CSMD3: variants seen among roughly 807,000 people sequenced by gnomAD.
CSMD3 encodes CUB and sushi domain-containing protein 3.
A neutral mutation model predicts 435.2 loss-of-function variants in CSMD3; 177 were observed. The observed-to-expected ratio is 0.41, with a 90% CI of 0.36 to 0.46. The LOEUF (loss-of-function observed/expected upper bound fraction) is 0.46, where lower values mean the gene tolerates loss of function less well. CSMD3 is among the 20% of genes least tolerant of loss of function. CSMD3 has a pLI of 0.34. For synonymous variants in CSMD3, 1,656 were observed against 1,520.5 expected (o/e 1.09, Z -2.07); for missense variants, 4,265 against 4,504.6 (o/e 0.95, Z 1.52).
At chr8:112,916,924 A>G (rs2082589495) in intron 10 of CSMD3, among the ~76,000 whole-genome samples, 2 of 152,032 alleles carry the variant, frequency 1.3e-5, no homozygotes, top group African/African-American at 4.8e-5. Context: ...AATTTGTAAC[A>G]TATGTAAAAT....
chr8:113,174,631 T>A (rs975862314), intron 3 of CSMD3, among the ~76,000 whole-genome samples: 7 of 152,112 alleles, frequency 4.6e-5, no homozygotes, highest in East Asian at 3.9e-4. Flanking sequence ...AAGAGTTTTT[T>A]AAATAATATT....
intron 5 of CSMD3, among the ~76,000 whole-genome samples, chr8:113,020,169 C>CA (rs1163891165): frequency 0.014 from 1,191 of 84,314 alleles, 11 homozygotes; most frequent in Middle Eastern, 0.043. Flanking sequence ...GACTCCGTCT[C>CA]AAAAAAAAAA....
At chr8:113,404,848 A>G (rs1195781533) in intron 1 of CSMD3, among the ~76,000 whole-genome samples, 1 of 151,508 alleles carries the variant, frequency 6.6e-6, no homozygotes, top group Admixed American at 6.6e-5. Flanking sequence ...TTCCTACTGC[A>G]GATTAAAAAC....
intron 41 of CSMD3, among the ~76,000 whole-genome samples, chr8:112,342,762 G>A (rs2131000837): frequency 6.6e-6 from 1 of 151,778 alleles, no homozygotes; most frequent in East Asian, 1.9e-4. Flanking sequence ...ATAAGCTTTG[G>A]AAATATTTAA....
chr8:112,977,510 C>T (rs923163963), intron 6 of CSMD3, among the ~76,000 whole-genome samples: 1 of 151,928 alleles, frequency 6.6e-6, no homozygotes, highest in Admixed American at 6.6e-5. Flanking sequence ...ATTAGTAGGA[C>T]TAATAATTCT....
intron 1 of CSMD3, among the ~76,000 whole-genome samples, chr8:113,341,656 G>C (rs1328832471): frequency 1.3e-5 from 2 of 152,040 alleles, no homozygotes; most frequent in Non-Finnish European, 2.9e-5. Flanking sequence ...AATAAAAAAT[G>C]TTCAAATTTG....
At chr8:112,678,480 T>C (rs1354327941) in intron 16 of CSMD3, among the ~76,000 whole-genome samples, 1 of 152,270 alleles carries the variant, frequency 6.6e-6, no homozygotes, top group African/African-American at 2.4e-5. Flanking sequence ...CTTTACAAAC[T>C]GATCTCAAGA....
intron 15 of CSMD3, 22 bp downstream of exon 15, chr8:112,685,384 A>G: frequency 3.1e-6 from 5 of 1,594,472 alleles, no homozygotes; most frequent in Non-Finnish European, 4.3e-6. Context: ...TATATGGGAA[A>G]AAAACAGAAA....
chr8:113,409,886 A>G (rs1228726549), intron 1 of CSMD3, among the ~76,000 whole-genome samples: 1 of 41,676 alleles, frequency 2.4e-5, no homozygotes, highest in Non-Finnish European at 5.1e-5. Context: ...AGCTTTGTAG[A>G]AAAAAAAAAA....
At chr8:112,519,150 A>G (rs1824018151) in intron 27 of CSMD3, among the ~76,000 whole-genome samples, 1 of 152,120 alleles carries the variant, frequency 6.6e-6, no homozygotes, top group Non-Finnish European at 1.5e-5. Context: ...CATATCACCT[A>G]TGGATTGGTT....
At chr8:112,707,483 C>T (rs1002815950) in intron 13 of CSMD3, among the ~76,000 whole-genome samples, 4 of 89,098 alleles carry the variant, frequency 4.5e-5, no homozygotes, top group African/African-American at 2.4e-4. Flanking sequence ...GGTGGTGCGG[C>T]GGGAGGGGGG....
intron 1 of CSMD3, among the ~76,000 whole-genome samples, chr8:113,387,225 A>G (rs1427898084): frequency 1.3e-5 from 2 of 151,838 alleles, no homozygotes; most frequent in East Asian, 3.8e-4. Context: ...AATTTCTTCC[A>G]TCATTTTAGT....
intron 27 of CSMD3, among the ~76,000 whole-genome samples, chr8:112,520,254 C>T (rs1359478667): frequency 6.6e-6 from 1 of 151,998 alleles, no homozygotes; most frequent in Non-Finnish European, 1.5e-5. Flanking sequence ...GCATGCAAAG[C>T]ACTTGACTAG....
chr8:113,141,140 T>C lies in CSMD3; in HGVS notation c.709+32582A>G, dbSNP rs569630974. Among the ~76,000 whole-genome samples, 6 of 150,916 alleles carry C rather than the reference T, an allele frequency of 4.0e-5. No homozygotes were observed. In the South Asian group the frequency reaches 1.0e-3, roughly 26 times the overall value. On this transcript the variant is annotated intron_variant, in intron 4 of 70. Transcript: ENST00000297405. ...AATTACCAACTGTAAAATATGAAAT[T>C]GTGCTATAGTAATTAAGGAAATAAA... is the stretch of plus-strand genomic sequence containing the variant.
intron 5 of CSMD3, among the ~76,000 whole-genome samples, chr8:113,046,562 G>A (rs112637208): frequency 8.5e-5 from 13 of 152,284 alleles, no homozygotes; most frequent in African/African-American, 3.1e-4. Context: ...TCGATTGGCT[G>A]CCCCTACTGT....
chr8:112,855,079 G>A (rs978064358), intron 11 of CSMD3, among the ~76,000 whole-genome samples: 2 of 152,034 alleles, frequency 1.3e-5, no homozygotes, highest in Admixed American at 6.6e-5. Context: ...TTAATTTTAT[G>A]CCAAATGCAT....
At chr8:112,993,375 C>T (rs1210298003) in intron 6 of CSMD3, among the ~76,000 whole-genome samples, 1 of 151,744 alleles carries the variant, frequency 6.6e-6, no homozygotes, top group East Asian at 1.9e-4. Flanking sequence ...TTTTAAGGAA[C>T]AAGAAGGATA....
chr8:112,622,504 G>T lies in CSMD3; in HGVS notation c.3715+14313C>A, dbSNP rs2131522012. 2.0e-5 allele frequency among the ~76,000 whole-genome samples: 3 copies of T among 152,250 alleles called. No homozygotes were observed. The South Asian group carries it at 6.2e-4, about 32-fold the overall frequency. On this transcript the variant is annotated intron_variant, in intron 22 of 70. Transcript: ENST00000297405. Reference sequence around the variant, plus strand: ...CAATGTTCTCCAACATCTAAGTCCTGTTTGCCTTTTAATTTGTCCAGTCCT... The same window carrying T: ...CAATGTTCTCCAACATCTAAGTCCTTTTTGCCTTTTAATTTGTCCAGTCCT...
intron 5 of CSMD3, among the ~76,000 whole-genome samples, chr8:113,082,409 G>T (rs1479556428): frequency 6.6e-6 from 1 of 152,070 alleles, no homozygotes; most frequent in Admixed American, 6.6e-5. Flanking sequence ...ATCATACAAA[G>T]ATTATACAAC....
Sources: allele counts gnomAD v4.1 joint callset (sites outside exome capture counted in the v4.1 genomes callset), GRCh38; gene constraint gnomAD v4.1.1; transcripts MANE v1.5; gene names NCBI Gene and HGNC (gene_info 2026-07-23, HGNC 2026-07-21).